PGAP1: variants seen among roughly 807,000 people sequenced by gnomAD.
PGAP1 encodes GPI inositol-deacylase.
PGAP1 carries 76 observed loss-of-function variants against 127.0 expected under a neutral mutation model. That is an observed-to-expected ratio of 0.60 (90% CI 0.50 to 0.72). The LOEUF is 0.72. Among genes scored for constraint, PGAP1 ranks in the 30% least tolerant of loss-of-function variants. PGAP1 has a pLI of 0.00. For synonymous variants in PGAP1, 362 were observed against 366.5 expected (o/e 0.99, Z 0.14); for missense variants, 982 against 1,071.3 (o/e 0.92, Z 1.16).
chr2:196,842,602 A>G (rs551276770), intron 26 of PGAP1, 119 bp downstream of exon 26: 1 of 433,260 alleles, frequency 2.3e-6, no homozygotes, highest in East Asian at 3.8e-5. Context: ...CCATAATACT[A>G]TTATGGCTTT....
In PGAP1 at chr2:196,841,162, T is replaced by G; in HGVS notation, c.*72A>C. 1 of 1,409,422 alleles carries G rather than the reference T, an allele frequency of 7.1e-7. No individual in the cohort carries two copies. The highest frequency in any genetic ancestry group is 2.4e-5 in the East Asian group (1 of 41,108). The allele number at this position is 1,409,422 out of a possible 1,614,324, so 87.3% of individuals were successfully genotyped here. A position where few individuals can be genotyped will look rare whatever the true frequency, so the allele number is the denominator to read the frequency against. On this transcript the variant is annotated 3_prime_UTR_variant, in exon 27 of 27. Coordinates refer to ENST00000354764, the MANE Select transcript of PGAP1 (RefSeq NM_024989.4). ...CAAAGGATCTTGCTGTCCATACTGA[T>G]GGATCTGTGTGTTCCCTCTTATCAC...
At chr2:196,844,147 T>C in intron 24 of PGAP1, 72 bp from the exon 25 acceptor site, 1 of 898,248 alleles carries the variant, frequency 1.1e-6, no homozygotes, top group Non-Finnish European at 1.6e-6. Context: ...ATCATACTCA[T>C]TACTTATCAA....
At chr2:196,861,238 A>G (rs906686086) in intron 20 of PGAP1, among the ~76,000 whole-genome samples, 7 of 152,184 alleles carry the variant, frequency 4.6e-5, no homozygotes, top group Non-Finnish European at 8.8e-5. Flanking sequence ...ACAAGAATAT[A>G]TTGGAGAAAT....
chr2:196,887,622 T>C (rs192599607), intron 10 of PGAP1, among the ~76,000 whole-genome samples: 220 of 152,308 alleles, frequency 1.4e-3, no homozygotes, highest in African/African-American at 4.8e-3. Flanking sequence ...CTGATACTTA[T>C]AAAGTCCATT....
chr2:196,915,080 T>C (rs1702961493), intron 3 of PGAP1, among the ~76,000 whole-genome samples: 1 of 152,226 alleles, frequency 6.6e-6, no homozygotes, highest in Non-Finnish European at 1.5e-5. Flanking sequence ...TCAGTAACAT[T>C]TGACACAGTT....
At chr2:196,846,097 AC>A in intron 22 of PGAP1, 80 bp from the exon 23 acceptor site, 5 of 811,518 alleles carry the variant, frequency 6.2e-6, no homozygotes, top group Non-Finnish European at 8.9e-6. Context: ...ACAATATAGT[AC>A]CCTCCCAGTC....
intron 14 of PGAP1, among the ~76,000 whole-genome samples, chr2:196,874,344 T>C (rs1701495764): frequency 2.6e-5 from 4 of 152,084 alleles, no homozygotes; most frequent in Admixed American, 2.0e-4. Context: ...TAAATAAAAA[T>C]TGAATAAATA....
intron 11 of PGAP1, 67 bp downstream of exon 11, chr2:196,885,767 T>C (rs1701881203): frequency 1.0e-6 from 1 of 992,260 alleles, no homozygotes; most frequent in Admixed American, 3.0e-5. Flanking sequence ...TATGAAACTA[T>C]TCTAAAAGTG....
chr2:196,904,614 G>A (rs1702627589), intron 4 of PGAP1, among the ~76,000 whole-genome samples: 2 of 152,136 alleles, frequency 1.3e-5, no homozygotes, highest in Admixed American at 6.5e-5. Flanking sequence ...TGTAGTCCCA[G>A]CTACTTGGGA....
chr2:196,896,828 T>TAAAA (rs566717804), intron 7 of PGAP1, among the ~76,000 whole-genome samples: 3 of 90,594 alleles, frequency 3.3e-5, no homozygotes, highest in South Asian at 4.2e-4. Context: ...GACTCCATCT[T>TAAAA]AAAAAAAAAA....
intron 6 of PGAP1, among the ~76,000 whole-genome samples, chr2:196,897,973 T>G (rs527768565): frequency 6.6e-6 from 1 of 152,174 alleles, no homozygotes; most frequent in Non-Finnish European, 1.5e-5. Flanking sequence ...ATCCCAGCAC[T>G]TTGGGAGGCC....
intron 4 of PGAP1, among the ~76,000 whole-genome samples, chr2:196,905,887 T>A (rs1445986832): frequency 1.3e-5 from 1 of 78,314 alleles, no homozygotes; most frequent in African/African-American, 4.9e-5. Flanking sequence ...ATTGCGCTTT[T>A]CAGACCGGCT....
At chr2:196,888,799 T>C (rs1171026022) in intron 10 of PGAP1, among the ~76,000 whole-genome samples, 1 of 152,114 alleles carries the variant, frequency 6.6e-6, no homozygotes, top group Non-Finnish European at 1.5e-5. Flanking sequence ...TTTGGTTGGA[T>C]GAAATAATGG....
chr2:196,884,667 G>T (rs1455487690), intron 12 of PGAP1, among the ~76,000 whole-genome samples: 1 of 152,094 alleles, frequency 6.6e-6, no homozygotes, highest in Admixed American at 6.5e-5. Context: ...GAAACCACCA[G>T]ATGATTTCAC....
intron 20 of PGAP1, among the ~76,000 whole-genome samples, chr2:196,853,011 C>T (rs1700768864): frequency 6.6e-6 from 1 of 152,194 alleles, no homozygotes; most frequent in Non-Finnish European, 1.5e-5. Context: ...TATACTAATG[C>T]AAAACTAAAA....
At position 196,844,027 on chromosome 2, in the gene PGAP1, CTT is replaced by C. The variant is rs1375605188; in HGVS notation, c.2384_2385del (p.Lys795ArgfsTer15). The C allele has an allele frequency of 6.3e-7, 1 of 1,599,220 alleles. No homozygotes were observed. Among genetic ancestry groups the C allele is most frequent in the Non-Finnish European group, 8.5e-7 (1 of 1,170,966 alleles). On this transcript the variant is annotated frameshift_variant, in exon 25 of 27. Coordinates refer to ENST00000354764, the MANE Select transcript of PGAP1 (RefSeq NM_024989.4). LOFTEE classifies it high-confidence loss of function. Reference sequence around the variant, plus strand: ...AAACGAAGATGGTGTATTGAGGAGTCTTTATGATGATTGGATTTCTTTTCACT... The same window carrying C: ...AAACGAAGATGGTGTATTGAGGAGTCTATGATGATTGGATTTCTTTTCACT... Reference protein sequence around the residue: ...RRSEKKSNHHKDSSIHHLRLS... With the variant: ...RRSEKKSNHHXDSSIHHLRLS...
intron 3 of PGAP1, among the ~76,000 whole-genome samples, chr2:196,914,870 G>A (rs1702952303): frequency 6.7e-6 from 1 of 149,794 alleles, no homozygotes; most frequent in African/African-American, 2.5e-5. Flanking sequence ...CTGGAGCGCA[G>A]TGGCACGATT....
intron 7 of PGAP1, among the ~76,000 whole-genome samples, chr2:196,894,021 C>A (rs369238517): frequency 1.3e-5 from 2 of 152,194 alleles, no homozygotes; most frequent in African/African-American, 4.8e-5. Flanking sequence ...AGTCACCCAG[C>A]ATTTGCCTGA....
chr2:196,885,561 C>G (rs1032165096), intron 11 of PGAP1, 86 bp from the exon 12 acceptor site: 1 of 987,938 alleles, frequency 1.0e-6, no homozygotes, highest in Non-Finnish European at 1.5e-6. Flanking sequence ...GAAAAAGAAA[C>G]CATCTCTACA....
Sources: gnomAD v4.1 joint callset for allele counts (sites outside exome capture counted in the v4.1 genomes callset) on GRCh38, gnomAD v4.1.1 for gene constraint, MANE v1.5 for transcripts, NCBI Gene and HGNC (gene_info 2026-07-23, HGNC 2026-07-21) for gene names.